The following TRIP12 variants were observed in gnomAD, a reference collection of about 807,000 sequenced individuals.
TRIP12 encodes the protein E3 ubiquitin-protein ligase TRIP12.
In TRIP12, 25 loss-of-function variants were observed where a neutral mutation model predicts 244.2. The ratio of observed to expected loss-of-function variants is 0.10; its 90% CI spans 0.07 to 0.14. TRIP12 has a LOEUF of 0.14. Among genes scored for constraint, TRIP12 ranks in the 10% least tolerant of loss-of-function variants. The probability of loss-of-function intolerance (pLI) is 1.00; values close to 1 mark genes in which losing one functional copy is unlikely to be tolerated. For missense variants in TRIP12, 1,677 were observed against 2,486.4 expected (o/e 0.67, Z 6.92); for synonymous variants, 905 against 873.1 (o/e 1.04, Z -0.64).
At chr2:229,814,941 T>C (rs1383767298) in intron 11 of TRIP12, among the ~76,000 whole-genome samples, 158 bp downstream of exon 11, 1 of 152,244 alleles carries the variant, frequency 6.6e-6, no homozygotes, top group Non-Finnish European at 1.5e-5. Flanking sequence ...ATTCTATCAA[T>C]GATTTATCTT....
chr2:229,840,996 T>C (rs2056294849), intron 4 of TRIP12, 69 bp from the exon 5 acceptor site: 2 of 1,165,798 alleles, frequency 1.7e-6, no homozygotes, highest in East Asian at 2.6e-5. Flanking sequence ...ATTATAAAAT[T>C]CTTCAGGTCA....
chr2:229,919,764 T>G (rs1056166823), intron 1 of TRIP12, among the ~76,000 whole-genome samples: 2 of 152,198 alleles, frequency 1.3e-5, no homozygotes, highest in African/African-American at 4.8e-5. Flanking sequence ...CCAATTCTTA[T>G]GGATATTGGC....
chr2:229,875,470 T>C (rs1390685763), intron 2 of TRIP12, among the ~76,000 whole-genome samples: 1 of 152,170 alleles, frequency 6.6e-6, no homozygotes, highest in Non-Finnish European at 1.5e-5. Context: ...AACTAAAGTT[T>C]ATACCCTCTT....
chr2:229,839,323 G>A (rs935160910), intron 5 of TRIP12, among the ~76,000 whole-genome samples: 2 of 152,120 alleles, frequency 1.3e-5, no homozygotes, highest in African/African-American at 4.8e-5. Context: ...TGTTCTCCAT[G>A]ATGTTTGCAT....
chr2:229,912,068 T>A (rs1439535584), intron 1 of TRIP12, among the ~76,000 whole-genome samples: 3 of 152,240 alleles, frequency 2.0e-5, no homozygotes, highest in Non-Finnish European at 4.4e-5. Flanking sequence ...AAACAACAGT[T>A]GAATGTGCTG....
chr2:229,802,959 A>G (rs1327546195), intron 20 of TRIP12, among the ~76,000 whole-genome samples: 1 of 152,208 alleles, frequency 6.6e-6, no homozygotes, highest in East Asian at 1.9e-4. Context: ...AGAGCTAAAC[A>G]TTAACTTGTG....
chr2:229,857,630 T>C (rs1306368494), intron 4 of TRIP12, among the ~76,000 whole-genome samples: 1 of 142,858 alleles, frequency 7.0e-6, no homozygotes, highest in Non-Finnish European at 1.6e-5. Flanking sequence ...AGAGTGAGAC[T>C]CTGTCTCAAA....
Position 229,792,204 on chromosome 2 carries a change from A to G in TRIP12, c.4164T>C (p.Asp1388=), listed in dbSNP as rs774617933. ...ATCCATCGTCATCGCTGTCTTCATC[A>G]TCTTCTCTTACTCTTCCATACCCTG... ...VVRGYGRVRE[D]DEDSDDDGSD... Residue 1388 remains aspartate, a synonymous_variant, in exon 28 of 42, where the codon GAT becomes GAC. Coordinates refer to ENST00000675903, the MANE Select transcript of TRIP12 (RefSeq NM_001348323.3). 5 of 1,613,824 alleles carry G rather than the reference A, an allele frequency of 3.1e-6. No homozygotes were observed. In the Admixed American group the frequency reaches 8.3e-5, roughly 27 times the overall value.
chr2:229,920,441 T>C (rs1407924475), intron 1 of TRIP12, among the ~76,000 whole-genome samples: 1 of 151,908 alleles, frequency 6.6e-6, no homozygotes, highest in Non-Finnish European at 1.5e-5. Context: ...TTAGAACGGA[T>C]TCACTGCGCT....
chr2:229,807,949 A>C, intron 16 of TRIP12, 85 bp from the exon 17 acceptor site: 2 of 1,412,092 alleles, frequency 1.4e-6, no homozygotes, highest in Non-Finnish European at 1.9e-6. Flanking sequence ...ATCTCACACA[A>C]ACCAAAAGTT....
chr2:229,814,810 T>A (rs1295509488), intron 11 of TRIP12, among the ~76,000 whole-genome samples: 1 of 152,206 alleles, frequency 6.6e-6, no homozygotes, highest in Non-Finnish European at 1.5e-5. Flanking sequence ...TAAATAGCTA[T>A]CAACCTCACT....
At chr2:229,874,062 G>C (rs1425312118) in intron 2 of TRIP12, among the ~76,000 whole-genome samples, 1 of 150,490 alleles carries the variant, frequency 6.6e-6, no homozygotes, top group Non-Finnish European at 1.5e-5. Context: ...AAAAAAAACA[G>C]AAAAAAAATT....
chr2:229,825,670 C>T (rs540903400), intron 8 of TRIP12, among the ~76,000 whole-genome samples: 11 of 152,222 alleles, frequency 7.2e-5, no homozygotes, highest in Non-Finnish European at 1.5e-4. Context: ...GAAAACACCC[C>T]CATGATTCAA....
chr2:229,875,907 C>T (rs956865586), intron 2 of TRIP12, among the ~76,000 whole-genome samples: 2 of 152,188 alleles, frequency 1.3e-5, no homozygotes, highest in Non-Finnish European at 1.5e-5. Context: ...AATCCTCTCA[C>T]TCCCAAAACT....
intron 12 of TRIP12, 87 bp from the exon 13 acceptor site, chr2:229,814,118 C>A: frequency 6.6e-7 from 1 of 1,523,562 alleles, no homozygotes; most frequent in Non-Finnish European, 9.0e-7. Context: ...TAGCACATTA[C>A]TCTGGAAACA....
At position 229,766,319 on chromosome 2, in the gene TRIP12, G is replaced by A. The variant is rs1289913103; in HGVS notation, c.*1235C>T. ...ATCATGGAGATATGTGGATTTCCTTGCATTGAAATACATCTATACAATTGA... is the reference window on the plus strand; with the variant it reads ...ATCATGGAGATATGTGGATTTCCTTACATTGAAATACATCTATACAATTGA... On this transcript the variant is annotated 3_prime_UTR_variant, in exon 42 of 42. Coordinates refer to ENST00000675903, the MANE Select transcript of TRIP12 (RefSeq NM_001348323.3). 2.6e-5 allele frequency: 4 copies of A among 152,090 alleles called. No individual in the cohort carries two copies. Among genetic ancestry groups the A allele is most frequent in the African/African-American group, 4.8e-5 (2 of 41,416 alleles). The allele number at this position is 152,090 out of a possible 1,614,324, so 9.4% of individuals were successfully genotyped here.
intron 6 of TRIP12, 105 bp from the exon 7 acceptor site, chr2:229,830,944 G>A: frequency 2.2e-6 from 2 of 908,290 alleles, no homozygotes; most frequent in Non-Finnish European, 3.5e-6. Flanking sequence ...TTGAATAAAG[G>A]CAATTAAACT....
rs1483368418 is a variant in TRIP12, at chr2:229,867,678, C to T, written c.99-7147G>A. Among the ~76,000 whole-genome samples, 4 of 152,054 alleles carry T rather than the reference C, an allele frequency of 2.6e-5. No homozygotes were observed. The East Asian group carries it at 7.7e-4, about 29-fold the overall frequency. On this transcript the variant is annotated intron_variant, in intron 2 of 41. Transcript: ENST00000675903. Reference sequence around the variant, plus strand: ...ACTGAACACTTTTAAGAAGGCATTCCAAGACTGGGAAAGCTTTTTAAAAGT... The same window carrying T: ...ACTGAACACTTTTAAGAAGGCATTCTAAGACTGGGAAAGCTTTTTAAAAGT...
Position 229,767,725 on chromosome 2 carries a change from C to T in TRIP12, c.6033G>A (p.Leu2011=). ...VGGFRSLNPP[L]TIVRKTFEST... ...ATTCAAACGTCTTTCGGACAATTGT[C>T]AAAGGTGGATTCAAACTCCGGAATC... The change falls in exon 42 of 42, where the codon TTG becomes TTA. Residue 2011 remains leucine (L), a synonymous_variant. Coordinates refer to ENST00000675903, the MANE Select transcript of TRIP12 (RefSeq NM_001348323.3). 6.2e-7 allele frequency: 1 copy of T among 1,612,234 alleles called. No homozygotes were observed. The highest frequency in any genetic ancestry group is 8.5e-7 in the Non-Finnish European group (1 of 1,179,456).
Sources: allele counts gnomAD v4.1 joint callset (sites outside exome capture counted in the v4.1 genomes callset), GRCh38; gene constraint gnomAD v4.1.1; transcripts MANE v1.5; gene names NCBI Gene and HGNC (gene_info 2026-07-23, HGNC 2026-07-21).